Variants in FBXL17 observed in about 807,000 individuals in gnomAD.
The protein encoded by FBXL17 is F-box/LRR-repeat protein 17.
FBXL17 carries 22 observed loss-of-function variants against 66.2 expected under a neutral mutation model. The ratio of observed to expected loss-of-function variants is 0.33; its 90% CI spans 0.24 to 0.47. FBXL17 has a LOEUF of 0.47. Among genes scored for constraint, FBXL17 ranks in the 20% least tolerant of loss-of-function variants. The pLI, the probability that FBXL17 is intolerant of heterozygous loss-of-function variation, is 1.00. For synonymous variants in FBXL17, 474 were observed against 400.5 expected, an observed-to-expected ratio of 1.18 and a Z score of -2.19; for missense variants, 878 against 948.2, an observed-to-expected ratio of 0.93 and a Z score of 0.97.
intron 8 of FBXL17, among the ~76,000 whole-genome samples, chr5:107,876,593 G>GT (rs34788331): frequency 6.6e-6 from 1 of 152,142 alleles, no homozygotes; most frequent in East Asian, 1.9e-4. Context: ...AGTGAGGGCT[G>GT]TTTTTTCCGC....
intron 7 of FBXL17, among the ~76,000 whole-genome samples, chr5:107,939,671 A>C (rs967327126): frequency 2.0e-5 from 3 of 152,116 alleles, no homozygotes; most frequent in Non-Finnish European, 4.4e-5. Flanking sequence ...AATTTCAATC[A>C]TTGTATAGAA....
At chr5:108,177,755 T>C (rs183937032) in intron 6 of FBXL17, among the ~76,000 whole-genome samples, 1 of 151,956 alleles carries the variant, frequency 6.6e-6, no homozygotes, top group Non-Finnish European at 1.5e-5. Context: ...TGGGCCTTAA[T>C]TCCTTTGTTT....
intron 6 of FBXL17, among the ~76,000 whole-genome samples, chr5:108,180,959 G>A (rs967433633): frequency 3.9e-5 from 6 of 152,036 alleles, no homozygotes; most frequent in African/African-American, 1.4e-4. Flanking sequence ...ATTAAAAATT[G>A]AAATGGAGAG....
intron 5 of FBXL17, among the ~76,000 whole-genome samples, chr5:108,215,081 A>G (rs1382805127): frequency 6.6e-6 from 1 of 152,226 alleles, no homozygotes; most frequent in Non-Finnish European, 1.5e-5. Context: ...CTCTGTATGA[A>G]TATACCACAT....
intron 6 of FBXL17, among the ~76,000 whole-genome samples, chr5:108,110,570 T>C (rs1321955120): frequency 6.6e-6 from 1 of 152,176 alleles, no homozygotes; most frequent in Non-Finnish European, 1.5e-5. Context: ...AGAACCCTAG[T>C]TTCCACAGAG....
chr5:107,961,265 C>T (rs755691862), intron 7 of FBXL17, among the ~76,000 whole-genome samples: 12 of 151,410 alleles, frequency 7.9e-5, no homozygotes, highest in African/African-American at 1.9e-4. Context: ...TGCTCTGTTG[C>T]CCAGGCTGGA....
At chr5:108,212,319 A>C (rs888759737) in intron 5 of FBXL17, among the ~76,000 whole-genome samples, 1 of 152,118 alleles carries the variant, frequency 6.6e-6, no homozygotes, top group Non-Finnish European at 1.5e-5. Context: ...CAGCCTTCTG[A>C]AGCCTACTTC....
At chr5:108,028,346 ATC>A (rs1754906709) in intron 6 of FBXL17, among the ~76,000 whole-genome samples, 1 of 152,138 alleles carries the variant, frequency 6.6e-6, no homozygotes, top group South Asian at 2.1e-4. Context: ...ATTGATGATA[ATC>A]TCTCTGCCCA....
chr5:108,091,776 G>A (rs1026734347), intron 6 of FBXL17, among the ~76,000 whole-genome samples: 1 of 152,134 alleles, frequency 6.6e-6, no homozygotes, highest in Non-Finnish European at 1.5e-5. Context: ...AACTTAATTT[G>A]TGAATTCCTT....
chr5:108,186,239 G>C lies in FBXL17; in HGVS notation c.1623C>G (p.Asn541Lys). Residue 541 changes from asparagine (N) to lysine (K), a missense_variant, in exon 6 of 9, where the codon AAC (asparagine) becomes AAG (lysine). Physicochemically the swap from Asn to Lys is moderately conservative, Grantham distance 94 (BLOSUM62 0). This residue lies in a region of FBXL17 where 236 missense variants were observed against 389.1 expected (regional missense o/e 0.61). Coordinates refer to ENST00000542267, the MANE Select transcript of FBXL17 (RefSeq NM_001163315.3). The part of the protein sequence containing the change: ...KGVIHLTKLR[N>K]LSSLDLRHIT... The stretch of plus-strand genomic sequence containing the variant: ...TATGACGTAGGTCCAAGCTGGAAAG[G>C]TTTCTTAGCTAATGAGATAAATAAA... The C allele has an allele frequency of 1.2e-6, 2 of 1,610,376 alleles. No homozygotes were observed. The highest frequency in any genetic ancestry group is 2.2e-5 in the South Asian group (2 of 90,150).
intron 6 of FBXL17, among the ~76,000 whole-genome samples, chr5:108,058,917 T>G (rs1177705405): frequency 6.6e-6 from 1 of 152,132 alleles, no homozygotes; most frequent in Non-Finnish European, 1.5e-5. Flanking sequence ...TGTCTGTGGG[T>G]TGAGAAGAGC....
chr5:107,968,649 CTT>C (rs1330984889), intron 7 of FBXL17, among the ~76,000 whole-genome samples: 1 of 152,052 alleles, frequency 6.6e-6, no homozygotes, highest in Non-Finnish European at 1.5e-5. Context: ...TAATATAAAA[CTT>C]AGTTTACATG....
chr5:108,259,044 C>A (rs577803726), intron 4 of FBXL17, among the ~76,000 whole-genome samples: 2 of 152,140 alleles, frequency 1.3e-5, no homozygotes, highest in Non-Finnish European at 2.9e-5. Flanking sequence ...AGTGTCTGTG[C>A]GTTAAAAGTG....
intron 4 of FBXL17, among the ~76,000 whole-genome samples, chr5:108,233,389 G>A (rs1311909734): frequency 6.6e-6 from 1 of 152,116 alleles, no homozygotes; most frequent in Non-Finnish European, 1.5e-5. Context: ...CTCCTGCCTG[G>A]AACACCTTGA....
At chr5:108,013,969 T>A (rs534688553) in intron 7 of FBXL17, among the ~76,000 whole-genome samples, 27 of 152,280 alleles carry the variant, frequency 1.8e-4, no homozygotes, top group African/African-American at 5.5e-4. Context: ...TCATTCCAGC[T>A]CCATTTAGAA....
rs148823041 is a variant in FBXL17, at chr5:108,002,443, A to T, written c.1822+18482T>A. Reference sequence around the variant, plus strand: ...AGATAGAAATGCTGGATAAAATACAACAAGCATTCTTTAAAATACATAACC... The same window carrying T: ...AGATAGAAATGCTGGATAAAATACATCAAGCATTCTTTAAAATACATAACC... On this transcript the variant is annotated intron_variant, in intron 7 of 8. Coordinates refer to ENST00000542267, the MANE Select transcript of FBXL17 (RefSeq NM_001163315.3). Among the ~76,000 whole-genome samples, 1,000 of 152,310 alleles carry T rather than the reference A, an allele frequency of 6.6e-3. 15 individuals are homozygous for T. The highest frequency in any genetic ancestry group is 0.021 in the African/African-American group (866 of 41,568).
chr5:108,251,567 A>G (rs776278121), intron 4 of FBXL17, among the ~76,000 whole-genome samples: 4 of 152,008 alleles, frequency 2.6e-5, no homozygotes, highest in Admixed American at 1.3e-4. Flanking sequence ...TTCAAAATTC[A>G]TAAGATTTCC....
intron 4 of FBXL17, among the ~76,000 whole-genome samples, chr5:108,241,896 T>C (rs1458764056): frequency 1.3e-5 from 2 of 152,126 alleles, no homozygotes; most frequent in Admixed American, 6.6e-5. Flanking sequence ...AAAACTTTTA[T>C]CCTAGAATAG....
rs75925690 is a variant in FBXL17, at chr5:108,259,021, C to T, written c.1507-34793G>A. Among the ~76,000 whole-genome samples the T allele has an allele frequency of 9.0e-3, 1,369 of 152,166 alleles. 23 individuals are homozygous for T. Among genetic ancestry groups the T allele is most frequent in the East Asian group, 0.066 (339 of 5,172 alleles). Reference sequence around the variant, plus strand: ...ATAGTGAAAGCAATTATACAATTTCCATTTAAATAACAAGTGTCTGTGCGT... The same window carrying T: ...ATAGTGAAAGCAATTATACAATTTCTATTTAAATAACAAGTGTCTGTGCGT... On this transcript the variant is annotated intron_variant, in intron 4 of 8. Coordinates refer to ENST00000542267, the MANE Select transcript of FBXL17 (RefSeq NM_001163315.3).
Sources: gnomAD v4.1 joint callset for allele counts (sites outside exome capture counted in the v4.1 genomes callset) on GRCh38, gnomAD v4.1.1 for gene constraint, gnomAD v4.1.1 regional missense constraint, MANE v1.5 for transcripts, NCBI Gene and HGNC (gene_info 2026-07-23, HGNC 2026-07-21) for gene names.